Variants in ANKRD11 observed in about 807,000 individuals in gnomAD.
The protein encoded by ANKRD11 is ankyrin repeat domain-containing protein 11.
In ANKRD11, 17 loss-of-function variants were observed where a neutral mutation model predicts 195.7. That is an observed-to-expected ratio of 0.09 (90% confidence interval 0.06 to 0.13). The LOEUF (loss-of-function observed/expected upper bound fraction) is 0.13, where lower values mean the gene tolerates loss of function less well. Among genes scored for constraint, ANKRD11 ranks in the 10% least tolerant of loss-of-function variants. The pLI is 1.00. For missense variants in ANKRD11, 3,735 were observed against 3,566.1 expected (o/e 1.05, Z -1.21); for synonymous variants, 1,953 against 1,528.1 (o/e 1.28, Z -6.49).
intron 1 of ANKRD11, chr16:89,459,090 A>G: frequency 5.1e-6 from 1 of 194,978 alleles, no homozygotes. Flanking sequence ...TGGGAAATGG[A>G]TCAGACAATG....
At chr16:89,421,625 G>A (rs1356244834) in intron 1 of ANKRD11, among the ~76,000 whole-genome samples, 2 of 96,690 alleles carry the variant, frequency 2.1e-5, no homozygotes, top group East Asian at 3.1e-4. Flanking sequence ...ACCATCACCC[G>A]TCCATGTCTG....
At chr16:89,401,938 G>A (rs1281773417) in intron 2 of ANKRD11, among the ~76,000 whole-genome samples, 2 of 148,966 alleles carry the variant, frequency 1.3e-5, no homozygotes, top group Admixed American at 6.7e-5. Context: ...TGGAGCAGAT[G>A]CCCGCCCCCA....
At chr16:89,416,786 A>G (rs531695043) in intron 2 of ANKRD11, among the ~76,000 whole-genome samples, 13 of 152,032 alleles carry the variant, frequency 8.6e-5, no homozygotes, top group Non-Finnish European at 1.5e-4. Context: ...AAAAAAATTA[A>G]AAAAAGAAAA....
At chr16:89,449,858 G>C (rs752795920) in intron 1 of ANKRD11, among the ~76,000 whole-genome samples, 10 of 139,410 alleles carry the variant, frequency 7.2e-5, no homozygotes, top group African/African-American at 1.6e-4. Context: ...ACTGGCAACA[G>C]AAAGCAGGTG....
In ANKRD11 at chr16:89,285,631, T is replaced by C; in HGVS notation, c.911A>G (p.Asp304Gly). The C allele has an allele frequency of 6.2e-7, 1 of 1,614,146 alleles. No homozygotes were observed. Among genetic ancestry groups the C allele is most frequent in the Non-Finnish European group, 8.5e-7 (1 of 1,180,036 alleles). Residue 304 changes from aspartate to glycine, a missense_variant, in exon 9 of 13, where the codon GAC (aspartate) becomes GGC (glycine). Coordinates refer to ENST00000301030, the MANE Select transcript of ANKRD11 (RefSeq NM_013275.6). This position sits in a 1 kb window ranked among gnomAD's most constrained non-coding sequence, Gnocchi z 5.6. ...ACTGGAAGGTGCGAAGGATGGTGCG[T>C]CTTCCTCTTCTGAGCTCTCTGTTGG... ...ESSTESSEEE[D>G]APSFAPSSSV...
At chr16:89,369,381 T>C (rs1398504765) in intron 2 of ANKRD11, among the ~76,000 whole-genome samples, 1 of 152,206 alleles carries the variant, frequency 6.6e-6, no homozygotes, top group Non-Finnish European at 1.5e-5. Flanking sequence ...ATGACCCGCA[T>C]GACCCTGCCA....
At chr16:89,463,378 C>A (rs2056768874) in intron 1 of ANKRD11, among the ~76,000 whole-genome samples, 1 of 152,156 alleles carries the variant, frequency 6.6e-6, no homozygotes, top group South Asian at 2.1e-4. Flanking sequence ...TGCCCCCAAC[C>A]CTGTGCTCTC....
intron 1 of ANKRD11, among the ~76,000 whole-genome samples, chr16:89,462,263 G>A (rs890784777): frequency 6.6e-6 from 1 of 152,182 alleles, no homozygotes; most frequent in Non-Finnish European, 1.5e-5. Flanking sequence ...TGGAGACGGG[G>A]TTTCGCTGTG....
intron 2 of ANKRD11, among the ~76,000 whole-genome samples, chr16:89,322,605 C>T (rs1246763029): frequency 6.7e-6 from 1 of 149,510 alleles, no homozygotes; most frequent in Non-Finnish European, 1.5e-5. Flanking sequence ...GCTCCAATTC[C>T]AAAGACAGGA....
intron 1 of ANKRD11, among the ~76,000 whole-genome samples, chr16:89,449,088 C>CA (rs1369944059): frequency 6.6e-6 from 1 of 151,450 alleles, no homozygotes; most frequent in Non-Finnish European, 1.5e-5. Flanking sequence ...TGGTGGCTCA[C>CA]ACCTGTAATC....
intron 1 of ANKRD11, among the ~76,000 whole-genome samples, chr16:89,438,508 T>C (rs1381632699): frequency 6.6e-6 from 1 of 152,100 alleles, no homozygotes; most frequent in Non-Finnish European, 1.5e-5. Context: ...GTGTGCGTAT[T>C]TTTAGTAGAT....
chr16:89,268,671 A>G lies in ANKRD11; in HGVS notation c.7807-8T>C, dbSNP rs1475292200. On this transcript the variant is annotated splice_region_variant and splice_polypyrimidine_tract_variant and intron_variant, in intron 12 of 12. Transcript: ENST00000301030. ...CCGCATGAGGAGGCAAGTCTGCGGG[A>G]CACACAGCGGGGAGAGGAGGGAGGA... is the stretch of plus-strand genomic sequence containing the variant. 2 of 1,581,570 alleles carry G rather than the reference A, an allele frequency of 1.3e-6. No homozygotes were observed. Among genetic ancestry groups the G allele is most frequent in the Admixed American group, 3.7e-5 (2 of 53,630 alleles).
chr16:89,462,438 G>T (rs1156424809), intron 1 of ANKRD11, among the ~76,000 whole-genome samples: 1 of 152,210 alleles, frequency 6.6e-6, no homozygotes, highest in Non-Finnish European at 1.5e-5. Flanking sequence ...CCTCCCAGCC[G>T]CCTGCCTTGG....
chr16:89,490,016 C>A (rs1314628781), intron 1 of ANKRD11, among the ~76,000 whole-genome samples: 1 of 148,960 alleles, frequency 6.7e-6, no homozygotes, highest in Non-Finnish European at 1.5e-5. Context: ...CCCAAAGACC[C>A]CCGGCTGCCC....
At chr16:89,344,599 A>C (rs1299777681) in intron 2 of ANKRD11, among the ~76,000 whole-genome samples, 1 of 152,234 alleles carries the variant, frequency 6.6e-6, no homozygotes, top group Non-Finnish European at 1.5e-5. Flanking sequence ...CCCACAATGC[A>C]AGCGTCCGGG....
At chr16:89,322,845 T>TTTTGTTTG in intron 2 of ANKRD11, among the ~76,000 whole-genome samples, 2 of 152,298 alleles carry the variant, frequency 1.3e-5, no homozygotes, top group Non-Finnish European at 2.9e-5. Flanking sequence ...TGAAGAGTTC[T>TTTTGTTTG]TTTGTTTGTT....
intron 1 of ANKRD11, among the ~76,000 whole-genome samples, chr16:89,469,603 G>T (rs187320490): frequency 5.0e-4 from 76 of 151,472 alleles, no homozygotes; most frequent in African/African-American, 1.8e-3. Flanking sequence ...ACGCAAATAA[G>T]AAAGGAAAAA....
intron 2 of ANKRD11, among the ~76,000 whole-genome samples, chr16:89,362,403 T>C (rs2152060699): frequency 6.6e-6 from 1 of 152,242 alleles, no homozygotes; most frequent in South Asian, 2.1e-4. Context: ...TGCACGAAAG[T>C]TCCATCTAGA....
chr16:89,468,588 T>G (rs2056961815), intron 1 of ANKRD11, among the ~76,000 whole-genome samples: 1 of 152,082 alleles, frequency 6.6e-6, no homozygotes, highest in African/African-American at 2.4e-5. Flanking sequence ...GCCTGTAATG[T>G]TAGCTACTCA....
Sources: gnomAD v4.1 joint callset for allele counts (sites outside exome capture counted in the v4.1 genomes callset) on GRCh38, gnomAD v4.1.1 for gene constraint, Gnocchi (gnomAD v3.1) non-coding constraint, MANE v1.5 for transcripts, NCBI Gene and HGNC (gene_info 2026-07-23, HGNC 2026-07-21) for gene names.